The following CTNNA3 variants were observed in gnomAD, a reference collection of about 807,000 sequenced individuals.
CTNNA3 encodes the protein catenin alpha-3.
CTNNA3 carries 76 observed loss-of-function variants against 95.7 expected under a neutral mutation model. The ratio of observed to expected loss-of-function variants is 0.79; its 90% CI spans 0.66 to 0.96. CTNNA3 has a LOEUF of 0.96. CTNNA3 is among the 40% of genes least tolerant of loss of function. The pLI, the probability that CTNNA3 is intolerant of heterozygous loss-of-function variation, is 0.00. For synonymous variants in CTNNA3, 431 were observed against 374.4 expected (o/e 1.15, Z -1.74); for missense variants, 1,191 against 1,089.8 (o/e 1.09, Z -1.31).
At chr10:66,557,626 T>C (rs1842430378) in intron 10 of CTNNA3, among the ~76,000 whole-genome samples, 1 of 152,124 alleles carries the variant, frequency 6.6e-6, no homozygotes, top group Admixed American at 6.6e-5. Flanking sequence ...GATCACAATG[T>C]CTAAGTGAAG....
rs113752788 is a variant in CTNNA3 at position 66,593,830 on chromosome 10, T to G, written c.1374+27862A>C. On this transcript the variant is annotated intron_variant, in intron 10 of 17. Transcript: ENST00000433211. ...ATTCTCTTTTTCCTTCTTTGGCTAT[T>G]CATTCTCAGTTGTTTTCTGTAGATT... Among the ~76,000 whole-genome samples the G allele has an allele frequency of 6.9e-3, 1,056 of 152,260 alleles. 17 individuals are homozygous for G. The highest frequency in any genetic ancestry group is 0.024 in the African/African-American group (1,012 of 41,546).
chr10:66,488,541 T>G (rs962028037), intron 11 of CTNNA3, among the ~76,000 whole-genome samples: 1 of 152,202 alleles, frequency 6.6e-6, no homozygotes, highest in African/African-American at 2.4e-5. Flanking sequence ...TAGTAGTTCC[T>G]ATGGAGTGAG....
Position 67,275,087 on chromosome 10 carries a change from A to G in CTNNA3, c.580-55217T>C, listed in dbSNP as rs145425907. On this transcript the variant is annotated intron_variant, in intron 5 of 17. Transcript: ENST00000433211. ...GATAATACATTAGAAGTCAGTAAAA[A>G]TGTTCCAGAGAAATAATAGTAGCAA... Among the ~76,000 whole-genome samples, 708 of 152,298 alleles carry G rather than the reference A, an allele frequency of 4.6e-3. 7 individuals carry two copies. Among genetic ancestry groups the G allele is most frequent in the African/African-American group, 0.016 (670 of 41,560 alleles).
rs530038570 is a variant in CTNNA3, at chr10:66,634,716, G to T, written c.1282-12932C>A. 3.3e-5 allele frequency among the ~76,000 whole-genome samples: 5 copies of T among 151,954 alleles called. No homozygotes were observed. In the South Asian group the frequency reaches 1.0e-3, roughly 32 times the overall value. ...CACACCTCCAATTCTATTCAAATTT[G>T]TGTCTGAAATTCTTGTCCCTCTCAA... On this transcript the variant is annotated intron_variant, in intron 9 of 17. Coordinates refer to ENST00000433211, the MANE Select transcript of CTNNA3 (RefSeq NM_013266.4).
chr10:67,438,205 C>A (rs1171414041), intron 5 of CTNNA3, among the ~76,000 whole-genome samples: 1 of 152,102 alleles, frequency 6.6e-6, no homozygotes, highest in East Asian at 1.9e-4. Flanking sequence ...AATGTTCCCA[C>A]CACCCCTCCT....
intron 15 of CTNNA3, among the ~76,000 whole-genome samples, chr10:66,036,669 T>A (rs533126635): frequency 3.4e-4 from 51 of 152,048 alleles, no homozygotes; most frequent in African/African-American, 1.2e-3. Context: ...AGCCACCACG[T>A]CCAGCTTGCC....
intron 5 of CTNNA3, among the ~76,000 whole-genome samples, chr10:67,256,245 A>G (rs1866344671): frequency 6.6e-6 from 1 of 152,120 alleles, no homozygotes; most frequent in Non-Finnish European, 1.5e-5. Context: ...ATTTTTTCTA[A>G]CTGCATTGAT....
chr10:67,069,633 G>C (rs1355765879), intron 7 of CTNNA3, among the ~76,000 whole-genome samples: 1 of 126,376 alleles, frequency 7.9e-6, no homozygotes, highest in Admixed American at 1.0e-4. Flanking sequence ...ACATAGATTA[G>C]TTCTGTCTGT....
At chr10:67,745,672 T>C (rs1370471027) in intron 1 of CTNNA3, among the ~76,000 whole-genome samples, 1 of 151,506 alleles carries the variant, frequency 6.6e-6, no homozygotes, top group Non-Finnish European at 1.5e-5. Context: ...ATAATAAAAC[T>C]TAAAAAAAGA....
intron 12 of CTNNA3, among the ~76,000 whole-genome samples, chr10:66,301,603 A>T (rs1337209949): frequency 2.0e-5 from 3 of 151,978 alleles, no homozygotes; most frequent in Non-Finnish European, 2.9e-5. Context: ...CCATCATATC[A>T]TTAGGCTAAA....
intron 5 of CTNNA3, among the ~76,000 whole-genome samples, chr10:67,383,908 G>C (rs1489266937): frequency 4.6e-5 from 7 of 152,098 alleles, no homozygotes; most frequent in Admixed American, 3.9e-4. Flanking sequence ...GACTACTGAG[G>C]AAATTATGTT....
At chr10:67,690,166 G>A (rs1840814924) in intron 1 of CTNNA3, among the ~76,000 whole-genome samples, 1 of 152,172 alleles carries the variant, frequency 6.6e-6, no homozygotes, top group Non-Finnish European at 1.5e-5. Context: ...TGAAGCCACA[G>A]ACCTTCACAG....
At chr10:67,237,384 G>A (rs1170228362) in intron 5 of CTNNA3, among the ~76,000 whole-genome samples, 2 of 151,100 alleles carry the variant, frequency 1.3e-5, no homozygotes, top group African/African-American at 2.4e-5. Context: ...CTTGGGGTGG[G>A]GAGGTGTGGA....
intron 5 of CTNNA3, among the ~76,000 whole-genome samples, chr10:67,304,105 T>G (rs537094684): frequency 6.6e-6 from 1 of 152,348 alleles, no homozygotes; most frequent in Admixed American, 6.5e-5. Flanking sequence ...ATGCTTGAGA[T>G]GTAAACATAT....
At chr10:66,520,584 G>A (rs756023761) in intron 11 of CTNNA3, 33 bp downstream of exon 11, 3 of 1,568,678 alleles carry the variant, frequency 1.9e-6, no homozygotes, top group Non-Finnish European at 1.7e-6. Flanking sequence ...ATTGACAAGA[G>A]AAAATAAACA....
At chr10:67,106,529 C>T (rs906873203) in intron 7 of CTNNA3, among the ~76,000 whole-genome samples, 4 of 152,164 alleles carry the variant, frequency 2.6e-5, no homozygotes, top group South Asian at 2.1e-4. Context: ...AAGCATTTTA[C>T]GGGTGTTCAT....
intron 17 of CTNNA3, among the ~76,000 whole-genome samples, chr10:65,952,435 C>A (rs959192906): frequency 6.6e-6 from 1 of 152,090 alleles, no homozygotes; most frequent in African/African-American, 2.4e-5. Context: ...TTTTATTCCT[C>A]CTCTTCTTGC....
chr10:67,701,476 C>T (rs999475183), intron 1 of CTNNA3, among the ~76,000 whole-genome samples: 2 of 151,870 alleles, frequency 1.3e-5, no homozygotes, highest in African/African-American at 2.4e-5. Context: ...ATATTCAACA[C>T]TCTTAAAGAA....
intron 11 of CTNNA3, among the ~76,000 whole-genome samples, chr10:66,455,036 C>CA (rs1229713638): frequency 8.0e-6 from 1 of 125,058 alleles, no homozygotes; most frequent in African/African-American, 3.5e-5. Flanking sequence ...TTCTTTTTTT[C>CA]AGGAAAAATA....
Sources: gnomAD v4.1 joint callset for allele counts (sites outside exome capture counted in the v4.1 genomes callset) on GRCh38, gnomAD v4.1.1 for gene constraint, MANE v1.5 for transcripts, NCBI Gene and HGNC (gene_info 2026-07-23, HGNC 2026-07-21) for gene names.